HIVEP3: variants seen among roughly 807,000 people sequenced by gnomAD.
HIVEP3 encodes the protein HIVEP zinc finger 3.
HIVEP3 carries 49 observed loss-of-function variants against 152.8 expected under a neutral mutation model. The ratio of observed to expected loss-of-function variants is 0.32; its 90% confidence interval spans 0.26 to 0.41. The LOEUF (loss-of-function observed/expected upper bound fraction) is 0.41, where lower values mean the gene tolerates loss of function less well. HIVEP3 is among the 10% of genes least tolerant of loss of function. The pLI, the probability that HIVEP3 is intolerant of heterozygous loss-of-function variation, is 1.00. For missense variants in HIVEP3, 2,790 were observed against 3,103.3 expected (o/e 0.90, Z 2.40); for synonymous variants, 1,269 against 1,289.0 (o/e 0.98, Z 0.33).
intron 1 of HIVEP3, among the ~76,000 whole-genome samples, chr1:41,949,410 A>C (rs1381482280): frequency 6.6e-6 from 1 of 152,232 alleles, no homozygotes; most frequent in African/African-American, 2.4e-5. Flanking sequence ...GTCACCTTGC[A>C]AGACCAACTT....
chr1:41,667,950 A>AG (rs1487736368), intron 2 of HIVEP3, among the ~76,000 whole-genome samples: 4 of 152,186 alleles, frequency 2.6e-5, no homozygotes, highest in Admixed American at 2.6e-4. Flanking sequence ...TGATGAAGTG[A>AG]GGGAAGGGGG....
At chr1:41,587,787 C>G (rs571358237) in intron 3 of HIVEP3, among the ~76,000 whole-genome samples, 2 of 152,270 alleles carry the variant, frequency 1.3e-5, no homozygotes, top group South Asian at 4.2e-4. Flanking sequence ...TCCTGTGCCT[C>G]TTGACCCCCC....
chr1:41,570,195 G>A (rs1044764625), intron 5 of HIVEP3, among the ~76,000 whole-genome samples: 3 of 152,214 alleles, frequency 2.0e-5, no homozygotes, highest in African/African-American at 7.2e-5. Flanking sequence ...TCAGAGATCA[G>A]GCGATGATGG....
intron 1 of HIVEP3, among the ~76,000 whole-genome samples, chr1:41,930,937 T>C (rs897775306): frequency 2.6e-5 from 4 of 152,176 alleles, no homozygotes; most frequent in African/African-American, 4.8e-5. Flanking sequence ...GTAAAACATA[T>C]GTTCAAATAT....
At chr1:41,894,441 C>T (rs768822505) in intron 1 of HIVEP3, among the ~76,000 whole-genome samples, 6 of 152,202 alleles carry the variant, frequency 3.9e-5, no homozygotes, top group Non-Finnish European at 7.3e-5. Flanking sequence ...TCTCTCCTAT[C>T]AAGGTGTGCA....
Position 41,581,250 on chromosome 1 carries a change from G to T in HIVEP3, c.3548C>A (p.Pro1183His), listed in dbSNP as rs998754052. The T allele has an allele frequency of 6.3e-7, 1 of 1,591,836 alleles. No individual in the cohort carries two copies. The highest frequency in any genetic ancestry group is 8.5e-7 in the Non-Finnish European group (1 of 1,169,610). Residue 1183 changes from proline (P) to histidine (H), a missense_variant, in exon 4 of 9, where the codon CCC (proline) becomes CAC (histidine). Pro to His is a moderately conservative substitution (Grantham distance 77). Transcript: ENST00000372583. This position sits in a 1 kb window ranked among gnomAD's most constrained non-coding sequence, Gnocchi z 4.5. ...SSPYSMPPLP[P>H]SLFQAPPLPL... Reference sequence around the variant, plus strand: ...AAGCGGTGGGGCTTGAAATAAGGAGGGAGGAAGTGGGGGCATGGAGTATGG... The same window carrying T: ...AAGCGGTGGGGCTTGAAATAAGGAGTGAGGAAGTGGGGGCATGGAGTATGG...
chr1:41,765,728 A>T (rs1203791036), intron 1 of HIVEP3, among the ~76,000 whole-genome samples: 1 of 152,124 alleles, frequency 6.6e-6, no homozygotes, highest in Non-Finnish European at 1.5e-5. Context: ...CCCTGGTACA[A>T]CACTTGGCAT....
Position 41,891,528 on chromosome 1 carries a change from C to T in HIVEP3, c.-801+26885G>A, listed in dbSNP as rs115566099. 3.9e-3 allele frequency among the ~76,000 whole-genome samples: 589 copies of T among 152,290 alleles called. 4 individuals are homozygous for T. Among genetic ancestry groups the T allele is most frequent in the African/African-American group, 0.013 (557 of 41,550 alleles). Reference sequence around the variant, plus strand: ...CTGCCCCTCCTGCTCTGGGAGTCAACGCTTCCTGGGTCCACCAGGCCCAGC... The same window carrying T: ...CTGCCCCTCCTGCTCTGGGAGTCAATGCTTCCTGGGTCCACCAGGCCCAGC... On this transcript the variant is annotated intron_variant, in intron 1 of 8. Coordinates refer to ENST00000372583, the MANE Select transcript of HIVEP3 (RefSeq NM_024503.5).
At chr1:41,785,639 G>C (rs1473633128) in intron 1 of HIVEP3, among the ~76,000 whole-genome samples, 2 of 152,148 alleles carry the variant, frequency 1.3e-5, no homozygotes, top group Non-Finnish European at 2.9e-5. Flanking sequence ...ACGAAACCAA[G>C]AATATAAAGC....
chr1:41,666,077 C>G (rs1022707923), intron 2 of HIVEP3, among the ~76,000 whole-genome samples: 1 of 151,988 alleles, frequency 6.6e-6, no homozygotes, highest in Non-Finnish European at 1.5e-5. Context: ...CTGTGCTTTC[C>G]TGGACTCAGA....
intron 1 of HIVEP3, among the ~76,000 whole-genome samples, chr1:41,818,460 G>A (rs777156065): frequency 6.6e-5 from 10 of 152,138 alleles, no homozygotes; most frequent in Non-Finnish European, 1.2e-4. Context: ...CCCTGGGGGC[G>A]GGGGCATTGA....
chr1:41,805,901 G>A lies in HIVEP3; in HGVS notation c.-800-104906C>T, dbSNP rs142911542. 7.1e-3 allele frequency among the ~76,000 whole-genome samples: 1,088 copies of A among 152,178 alleles called. 9 individuals are homozygous for A. Among genetic ancestry groups the A allele is most frequent in the Non-Finnish European group, 0.011 (741 of 68,000 alleles). ...TTGTGTTCTGTGTGTGTGTGTACAC[G>A]TGCACGCACACACATCTCCTCTGTA... On this transcript the variant is annotated intron_variant, in intron 1 of 8. Coordinates refer to ENST00000372583, the MANE Select transcript of HIVEP3 (RefSeq NM_024503.5).
chr1:41,873,459 T>C lies in HIVEP3; in HGVS notation c.-801+44954A>G, dbSNP rs1026211253. ...TAAGGCCAGGACAAGCATCATTTAA[T>C]GTCATGTCATATAATTAGTATGGAA... On this transcript the variant is annotated intron_variant, in intron 1 of 8. Coordinates refer to ENST00000372583, the MANE Select transcript of HIVEP3 (RefSeq NM_024503.5). The surrounding 1 kb of genome is among the most constrained non-coding windows in gnomAD (Gnocchi z 4.2). Among the ~76,000 whole-genome samples, 3 of 152,232 alleles carry C rather than the reference T, an allele frequency of 2.0e-5. No homozygotes were observed. The highest frequency in any genetic ancestry group is 7.2e-5 in the African/African-American group (3 of 41,462).
upstream of HIVEP3, among the ~76,000 whole-genome samples, chr1:41,921,497 C>T (rs1388265180): frequency 6.6e-6 from 1 of 152,190 alleles, no homozygotes; most frequent in East Asian, 1.9e-4. Flanking sequence ...CTCTGCTCCT[C>T]CTTCACCTCT....
intron 1 of HIVEP3, among the ~76,000 whole-genome samples, chr1:41,793,041 G>A (rs142504723): frequency 6.6e-6 from 1 of 152,328 alleles, no homozygotes; most frequent in African/African-American, 2.4e-5. Context: ...CTCCCAGAAA[G>A]CTAATGATCA....
At position 41,533,441 on chromosome 1, in the gene HIVEP3, A is replaced by G. The variant is rs552352243; in HGVS notation, c.5208-8531T>C. Among the ~76,000 whole-genome samples, 183 of 152,052 alleles carry G rather than the reference A, an allele frequency of 1.2e-3. 1 individual carries two copies. Among genetic ancestry groups the G allele is most frequent in the African/African-American group, 4.3e-3 (177 of 41,476 alleles). On this transcript the variant is annotated intron_variant, in intron 5 of 8. Coordinates refer to ENST00000372583, the MANE Select transcript of HIVEP3 (RefSeq NM_024503.5). The surrounding 1 kb of genome is among the most constrained non-coding windows in gnomAD (Gnocchi z 4.3). ...CCAGCCCCAAGCCTCCCTGGGCCCA[A>G]ATCCCGGGCCAGCTCTGCTGTCCCT...
chr1:41,568,810 C>G (rs915428056), intron 5 of HIVEP3, among the ~76,000 whole-genome samples: 2 of 152,206 alleles, frequency 1.3e-5, no homozygotes, highest in African/African-American at 4.8e-5. Flanking sequence ...TCAGAAGATG[C>G]CTTTCCCCAC....
chr1:41,726,614 T>C (rs1272463460), intron 1 of HIVEP3, among the ~76,000 whole-genome samples: 1 of 152,170 alleles, frequency 6.6e-6, no homozygotes, highest in Non-Finnish European at 1.5e-5. Flanking sequence ...AAATCTTAAC[T>C]GCTCTGGGAT....
chr1:41,893,024 G>A (rs77953824), intron 1 of HIVEP3, among the ~76,000 whole-genome samples: 5 of 151,342 alleles, frequency 3.3e-5, no homozygotes, highest in African/African-American at 1.2e-4. Flanking sequence ...TCGGGAGGCT[G>A]AGGCAGGAGG....
Sources: gnomAD v4.1 joint callset for allele counts (sites outside exome capture counted in the v4.1 genomes callset) on GRCh38, gnomAD v4.1.1 for gene constraint, Gnocchi (gnomAD v3.1) non-coding constraint, MANE v1.5 for transcripts, NCBI Gene and HGNC (gene_info 2026-07-23, HGNC 2026-07-21) for gene names.